TSC22D1: variants seen among roughly 807,000 people sequenced by gnomAD.
TSC22D1 encodes the protein TSC22 domain family member 1, also known as TSC22 domain family protein 1.
A neutral mutation model predicts 74.2 loss-of-function variants in TSC22D1; 9 were observed. That is an observed-to-expected ratio of 0.12 (90% CI 0.07 to 0.21). TSC22D1 has a LOEUF of 0.21. TSC22D1 is among the 10% of genes least tolerant of loss of function. The pLI is 1.00. For missense variants in TSC22D1, 1,427 were observed against 1,304.7 expected, an observed-to-expected ratio of 1.09 and a Z score of -1.44; for synonymous variants, 586 against 492.5, an observed-to-expected ratio of 1.19 and a Z score of -2.51.
intron 1 of TSC22D1, among the ~76,000 whole-genome samples, chr13:44,517,857 A>ATATTTATAT: frequency 6.2e-5 from 1 of 16,176 alleles, no homozygotes. Context: ...ATATATATAT[A>ATATTTATAT]TTTTTTTTTT....
intron 1 of TSC22D1, among the ~76,000 whole-genome samples, chr13:44,447,203 C>T (rs979286917): frequency 3.3e-5 from 5 of 151,274 alleles, no homozygotes; most frequent in Non-Finnish European, 5.9e-5. Flanking sequence ...AGGCTGATCT[C>T]GAACTCCTGG....
intron 1 of TSC22D1, among the ~76,000 whole-genome samples, chr13:44,570,617 T>C (rs1883698936): frequency 6.6e-6 from 1 of 152,218 alleles, no homozygotes; most frequent in Admixed American, 6.5e-5. Flanking sequence ...TGTCTAAACA[T>C]TTTATAATCT....
chr13:44,434,346 G>C lies in TSC22D1; in HGVS notation c.*280C>G, dbSNP rs938371972. 7.3e-7 allele frequency: 1 copy of C among 1,373,916 alleles called. No individual in the cohort carries two copies. The highest frequency in any genetic ancestry group is 1.5e-5 in the African/African-American group (1 of 66,936). The allele number at this position is 1,373,916 out of a possible 1,614,324, so 85.1% of individuals were successfully genotyped here. A position where few individuals can be genotyped will look rare whatever the true frequency, so the allele number is the denominator to read the frequency against. On this transcript the variant is annotated 3_prime_UTR_variant, in exon 3 of 3. Coordinates refer to ENST00000458659, the MANE Select transcript of TSC22D1 (RefSeq NM_183422.4). ...GGAAAGGCACACAGCTCCTGAGCAT[G>C]AATTAAACCATTTCTCAGATATCTG...
At chr13:44,479,878 A>G (rs1878098526) in intron 1 of TSC22D1, among the ~76,000 whole-genome samples, 1 of 152,316 alleles carries the variant, frequency 6.6e-6, no homozygotes, top group Admixed American at 6.5e-5. Flanking sequence ...CCATCCTATT[A>G]TTTATTTAGG....
At chr13:44,464,850 G>C (rs1877181249) in intron 1 of TSC22D1, among the ~76,000 whole-genome samples, 2 of 152,174 alleles carry the variant, frequency 1.3e-5, no homozygotes, top group African/African-American at 4.8e-5. Context: ...CAGCGCCCCT[G>C]GTTTGGAGCT....
At chr13:44,504,128 T>G (rs1487982924) in intron 1 of TSC22D1, among the ~76,000 whole-genome samples, 1 of 146,166 alleles carries the variant, frequency 6.8e-6, no homozygotes, top group Non-Finnish European at 1.5e-5. Context: ...CCCTGTAAAA[T>G]GTACAAATGA....
intron 1 of TSC22D1, among the ~76,000 whole-genome samples, chr13:44,502,609 G>C (rs1169707426): frequency 6.6e-6 from 1 of 152,124 alleles, no homozygotes; most frequent in East Asian, 1.9e-4. Context: ...TACCAGTAAA[G>C]AAAGGCCACA....
Position 44,433,518 on chromosome 13 carries a change from CTTGT to C in TSC22D1, c.*1104_*1107del, listed in dbSNP as rs1271187292. On this transcript the variant is annotated 3_prime_UTR_variant, in exon 3 of 3. Transcript: ENST00000458659. Reference sequence around the variant, plus strand: ...TGTTAACAGGGTCATATGAAAAACACTTGTTTATCAACATTTATATGCTTTATTG... The same window carrying C: ...TGTTAACAGGGTCATATGAAAAACACTTATCAACATTTATATGCTTTATTG... The C allele has an allele frequency of 1.3e-5, 2 of 153,018 alleles. No homozygotes were observed. Among genetic ancestry groups the C allele is most frequent in the East Asian group, 1.9e-4 (1 of 5,222 alleles). The allele number at this position is 153,018 out of a possible 1,614,324, so 9.5% of individuals were successfully genotyped here.
intron 1 of TSC22D1, among the ~76,000 whole-genome samples, chr13:44,472,422 T>C (rs1877657409): frequency 6.6e-6 from 1 of 152,202 alleles, no homozygotes; most frequent in African/African-American, 2.4e-5. Flanking sequence ...TATCAATCCT[T>C]CAGACACTCT....
At chr13:44,509,029 A>G (rs922705427) in intron 1 of TSC22D1, among the ~76,000 whole-genome samples, 29 of 152,222 alleles carry the variant, frequency 1.9e-4, no homozygotes, top group African/African-American at 7.0e-4. Context: ...AATTAAAATT[A>G]ATGTTAATAA....
chr13:44,576,398 G>C (rs939086663), upstream of TSC22D1: 1 of 273,216 alleles, frequency 3.7e-6, no homozygotes, highest in Non-Finnish European at 6.9e-6. Flanking sequence ...GGGAGGGGGA[G>C]AGCGCAGGAA....
intron 1 of TSC22D1, among the ~76,000 whole-genome samples, chr13:44,534,579 A>G (rs1325265327): frequency 6.6e-6 from 1 of 152,084 alleles, no homozygotes; most frequent in African/African-American, 2.4e-5. Flanking sequence ...CTATTATCCT[A>G]ACACAACCCT....
At position 44,575,931 on chromosome 13, in the gene TSC22D1, G is replaced by A. The variant is rs149542670; in HGVS notation, c.144C>T (p.Val48=). ...ASALNAAGTG[V]GSNATSSEDF... Reference sequence around the variant, plus strand: ...CCTCGGAAGATGTGGCATTACTACCGACGCCGGTACCTGCTGCATTGAGAG... The same window carrying A: ...CCTCGGAAGATGTGGCATTACTACCAACGCCGGTACCTGCTGCATTGAGAG... Residue 48 remains valine, a synonymous_variant, in exon 1 of 3, where the codon GTC becomes GTT. Transcript: ENST00000458659. 525 of 1,612,850 alleles carry A rather than the reference G, an allele frequency of 3.3e-4. 2 individuals are homozygous for A. In the African/African-American group the frequency reaches 5.8e-3, roughly 18 times the overall value.
At chr13:44,572,799 A>G (rs1004348541) in intron 1 of TSC22D1, among the ~76,000 whole-genome samples, 3 of 152,232 alleles carry the variant, frequency 2.0e-5, no homozygotes, top group Admixed American at 2.0e-4. Flanking sequence ...ACCCCCCAAG[A>G]GATTATTTTA....
In TSC22D1 at chr13:44,485,762, T is replaced by C. The variant is rs535605309; in HGVS notation, c.2913-49667A>G. On this transcript the variant is annotated intron_variant, in intron 1 of 2. Transcript: ENST00000458659. ...GTAGGCAAAGAAACTGGTAAACCTG[T>C]GGGCCAATCTAAACAAACATTACCT... is the stretch of plus-strand genomic sequence containing the variant. 3.9e-5 allele frequency among the ~76,000 whole-genome samples: 6 copies of C among 152,192 alleles called. No individual in the cohort carries two copies. In the East Asian group the frequency reaches 9.6e-4, roughly 24 times the overall value.
intron 1 of TSC22D1, among the ~76,000 whole-genome samples, chr13:44,448,533 T>TA (rs1457237373): frequency 6.6e-6 from 1 of 152,202 alleles, no homozygotes; most frequent in Non-Finnish European, 1.5e-5. Flanking sequence ...CAGGCCTAGG[T>TA]AAGCATTAAC....
rs561539624 is a variant in TSC22D1, at chr13:44,546,530, C to G, written c.2912+26633G>C. On this transcript the variant is annotated intron_variant, in intron 1 of 2. Coordinates refer to ENST00000458659, the MANE Select transcript of TSC22D1 (RefSeq NM_183422.4). ...AAGGAAAGAAAGAATGAAGAGCAGGCCTAGATTAAAGGAGATTAAGGAGAT... is the reference window on the plus strand; with the variant it reads ...AAGGAAAGAAAGAATGAAGAGCAGGGCTAGATTAAAGGAGATTAAGGAGAT... 3.3e-5 allele frequency among the ~76,000 whole-genome samples: 5 copies of G among 152,044 alleles called. No homozygotes were observed. In the South Asian group the frequency reaches 1.0e-3, roughly 32 times the overall value.
At chr13:44,452,496 G>A (rs1392163399) in intron 1 of TSC22D1, 1 of 152,262 alleles carries the variant, frequency 6.6e-6, no homozygotes, top group Non-Finnish European at 1.5e-5. Context: ...CGAGCACAGG[G>A]AGCCTGGGCC....
intron 1 of TSC22D1, chr13:44,474,298 GC>G: frequency 1.0e-6 from 1 of 985,258 alleles, no homozygotes; most frequent in Non-Finnish European, 1.2e-6. Flanking sequence ...TCCCACCCAG[GC>G]CCAACTGACA....
Sources: gnomAD v4.1 joint callset for allele counts (sites outside exome capture counted in the v4.1 genomes callset) on GRCh38, gnomAD v4.1.1 for gene constraint, MANE v1.5 for transcripts, NCBI Gene and HGNC (gene_info 2026-07-23, HGNC 2026-07-21) for gene names.